DNAI1: variants seen among roughly 807,000 people sequenced by gnomAD.
DNAI1 encodes dynein axonemal intermediate chain 1.
A neutral mutation model predicts 92.0 loss-of-function variants in DNAI1; 67 were observed. That is an observed-to-expected ratio of 0.73 (90% confidence interval 0.60 to 0.89). DNAI1 has a LOEUF of 0.89. Among genes scored for constraint, DNAI1 ranks in the 40% least tolerant of loss-of-function variants. The pLI, the probability that DNAI1 is intolerant of heterozygous loss-of-function variation, is 0.00. For synonymous variants in DNAI1, 323 were observed against 319.6 expected, an observed-to-expected ratio of 1.01 and a Z score of -0.11; for missense variants, 839 against 866.6, an observed-to-expected ratio of 0.97 and a Z score of 0.40.
At chr9:34,464,441 A>T (rs759991001) in intron 1 of DNAI1, among the ~76,000 whole-genome samples, 5 of 151,988 alleles carry the variant, frequency 3.3e-5, no homozygotes, top group Non-Finnish European at 7.4e-5. Flanking sequence ...CCTTTCTGGA[A>T]TGCTTTTCAC....
At chr9:34,509,610 A>G (rs974379287) in intron 13 of DNAI1, among the ~76,000 whole-genome samples, 10 of 152,154 alleles carry the variant, frequency 6.6e-5, no homozygotes, top group Non-Finnish European at 1.3e-4. Flanking sequence ...GGAGTAACAC[A>G]GTCATGTTTG....
Position 34,500,850 on chromosome 9 carries a change from G to T in DNAI1, c.1019+11G>T, listed in dbSNP as rs992279032. On this transcript the variant is annotated intron_variant, in intron 11 of 19. Coordinates refer to ENST00000242317, the MANE Select transcript of DNAI1 (RefSeq NM_012144.4). ...CACTGCCCTCTGCTGGTAAGTATAG[G>T]CATTGCAGCAAATGCAGAGCCCCTG... The T allele has an allele frequency of 1.9e-6, 3 of 1,607,420 alleles. No individual in the cohort carries two copies. The highest frequency in any genetic ancestry group is 2.6e-6 in the Non-Finnish European group (3 of 1,174,092).
rs528680733 is a variant in DNAI1 at position 34,483,675 on chromosome 9, A to G, written c.81+195A>G. Among the ~76,000 whole-genome samples, 9 of 152,358 alleles carry G rather than the reference A, an allele frequency of 5.9e-5. No homozygotes were observed. In the South Asian group the frequency reaches 1.7e-3, roughly 28 times the overall value. On this transcript the variant is annotated intron_variant, in intron 2 of 19. Coordinates refer to ENST00000242317, the MANE Select transcript of DNAI1 (RefSeq NM_012144.4). ...TCCTCTCAGATATTTTTATGCATATATAAAATTACATGTATTTATTATTTT... is the reference window on the plus strand; with the variant it reads ...TCCTCTCAGATATTTTTATGCATATGTAAAATTACATGTATTTATTATTTT...
intron 8 of DNAI1, 24 bp downstream of exon 8, chr9:34,491,578 A>C: frequency 6.2e-7 from 1 of 1,613,260 alleles, no homozygotes; most frequent in African/African-American, 1.3e-5. Context: ...CCAGCCTGAA[A>C]CCTCTTACCA....
intron 9 of DNAI1, 114 bp downstream of exon 9, chr9:34,493,442 C>A: frequency 7.1e-7 from 1 of 1,416,428 alleles, no homozygotes; most frequent in Non-Finnish European, 9.9e-7. Context: ...AAATCAGGGA[C>A]TAATGTTGAG....
intron 3 of DNAI1, 44 bp from the exon 4 acceptor site, chr9:34,485,393 G>A: frequency 1.2e-6 from 2 of 1,600,108 alleles, no homozygotes; most frequent in Non-Finnish European, 8.6e-7. Flanking sequence ...AGATAGGGTT[G>A]GGGGGTCTTC....
At chr9:34,501,092 G>C (rs1824822895) in intron 11 of DNAI1, 46 bp from the exon 12 acceptor site, 1 of 1,519,944 alleles carries the variant, frequency 6.6e-7, no homozygotes. Context: ...CCACAGGAGG[G>C]CCATGTTCAT....
rs777977555 is a variant in DNAI1, at chr9:34,490,056, G to A, written c.433G>A (p.Glu145Lys). Residue 145 changes from glutamate (E) to lysine (K), a missense_variant, in exon 6 of 20, where the codon GAA becomes AAA. By Grantham distance (56) the Glu-to-Lys change is moderately conservative (BLOSUM62 1). Transcript: ENST00000242317. The stretch of plus-strand genomic sequence containing the variant: ...GGTGATTTCAGAAACAGGAAACCTC[G>A]AAGAAGACGAAGAGCCCAAGGAGTT... ...VKVISETGNL[E>K]EDEEPKELET... The A allele has an allele frequency of 1.6e-5, 26 of 1,614,162 alleles. No homozygotes were observed. Among genetic ancestry groups the A allele is most frequent in the African/African-American group, 1.2e-4 (9 of 75,042 alleles).
chr9:34,493,175 T>A lies in DNAI1; in HGVS notation c.682-19T>A, dbSNP rs757013140. On this transcript the variant is annotated intron_variant, in intron 8 of 19. Coordinates refer to ENST00000242317, the MANE Select transcript of DNAI1 (RefSeq NM_012144.4). ...AGATTGCACCTTACAATGATCCTTCTTATCTCACCCTTGCCTAGTGGGAGA... is the reference window on the plus strand; with the variant it reads ...AGATTGCACCTTACAATGATCCTTCATATCTCACCCTTGCCTAGTGGGAGA... 3.1e-6 allele frequency: 5 copies of A among 1,614,210 alleles called. No individual in the cohort carries two copies. The highest frequency in any genetic ancestry group is 4.2e-6 in the Non-Finnish European group (5 of 1,180,016).
Position 34,513,105 on chromosome 9 carries a change from T to C in DNAI1, c.1490-7T>C, listed in dbSNP as rs1587090777. The C allele has an allele frequency of 2.5e-6, 4 of 1,613,438 alleles. No individual in the cohort carries two copies. In the Admixed American group the frequency reaches 5.0e-5, roughly 20 times the overall value. ...GGGCTAAGCCTGCCCCTCCCTCTTTTCCCAAGGTTGTGGCACTGCCTTTGA... is the reference window on the plus strand; with the variant it reads ...GGGCTAAGCCTGCCCCTCCCTCTTTCCCCAAGGTTGTGGCACTGCCTTTGA... On this transcript the variant is annotated splice_region_variant and splice_polypyrimidine_tract_variant and intron_variant, in intron 15 of 19. Transcript: ENST00000242317.
chr9:34,503,944 G>A (rs1824878331), intron 12 of DNAI1, among the ~76,000 whole-genome samples: 1 of 152,240 alleles, frequency 6.6e-6, no homozygotes, highest in Non-Finnish European at 1.5e-5. Flanking sequence ...ATGCAATGAT[G>A]TCAGCCGGCT....
chr9:34,477,265 G>C, intron 1 of DNAI1, among the ~76,000 whole-genome samples: 1 of 152,110 alleles, frequency 6.6e-6, no homozygotes, highest in East Asian at 1.9e-4. Context: ...TAAATCAAGA[G>C]AATGACACAA....
rs771320807 is a variant in DNAI1 at position 34,485,459 on chromosome 9, G to A, written c.203G>A (p.Arg68Gln). The A allele has an allele frequency of 2.0e-5, 32 of 1,614,082 alleles. No homozygotes were observed. The highest frequency in any genetic ancestry group is 2.5e-5 in the Non-Finnish European group (29 of 1,180,018). The part of the protein sequence containing the change: ...TDAELKEEFT[R>Q]ILTANNPHAP... ...CAGGAGTTAAAGGAGGAGTTCACTC[G>A]GATTTTGACAGCCAACAACCCACAC... is the stretch of plus-strand genomic sequence containing the variant. Residue 68 changes from arginine to glutamine, a missense_variant, in exon 4 of 20, where the codon CGG (arginine) becomes CAG (glutamine). By Grantham distance (43) the Arg-to-Gln change is conservative (BLOSUM62 1). Transcript: ENST00000242317.
At chr9:34,487,225 C>T (rs1824491647) in intron 4 of DNAI1, among the ~76,000 whole-genome samples, 1 of 152,146 alleles carries the variant, frequency 6.6e-6, no homozygotes, top group Admixed American at 6.5e-5. Context: ...CTCTGTCGCC[C>T]AGGCTGGAGT....
intron 1 of DNAI1, among the ~76,000 whole-genome samples, chr9:34,465,708 C>T (rs369520166): frequency 1.5e-4 from 23 of 152,214 alleles, no homozygotes; most frequent in African/African-American, 5.5e-4. Flanking sequence ...CTCCTGTGCT[C>T]GTTGCTGGGC....
intron 16 of DNAI1, among the ~76,000 whole-genome samples, chr9:34,513,446 T>C (rs1463846467): frequency 6.6e-6 from 1 of 152,154 alleles, no homozygotes; most frequent in East Asian, 1.9e-4. Flanking sequence ...CTCCCTCCCT[T>C]CCTGGGAGTT....
At chr9:34,460,286 A>G (rs1258366298) in intron 1 of DNAI1, among the ~76,000 whole-genome samples, 1 of 152,216 alleles carries the variant, frequency 6.6e-6, no homozygotes, top group Non-Finnish European at 1.5e-5. Context: ...CAAACCCTTT[A>G]TGAATTACCA....
chr9:34,474,411 T>A (rs1824200676), intron 1 of DNAI1, among the ~76,000 whole-genome samples: 1 of 151,770 alleles, frequency 6.6e-6, no homozygotes, highest in African/African-American at 2.4e-5. Context: ...ATTTTGTTTA[T>A]TTTTTTGTAG....
At chr9:34,477,817 T>C (rs561809693) in intron 1 of DNAI1, among the ~76,000 whole-genome samples, 13 of 151,932 alleles carry the variant, frequency 8.6e-5, no homozygotes, top group African/African-American at 2.2e-4. Flanking sequence ...TTTAAAGATA[T>C]TGAGTTTGAG....
Sources: gnomAD v4.1 joint callset for allele counts (sites outside exome capture counted in the v4.1 genomes callset) on GRCh38, gnomAD v4.1.1 for gene constraint, MANE v1.5 for transcripts, NCBI Gene and HGNC (gene_info 2026-07-23, HGNC 2026-07-21) for gene names.